The following NRXN3 variants were observed in gnomAD, a reference collection of about 807,000 sequenced individuals.
The protein encoded by NRXN3 is neurexin 3.
NRXN3 carries 32 observed loss-of-function variants against 137.6 expected under a neutral mutation model. The ratio of observed to expected loss-of-function variants is 0.23; its 90% confidence interval spans 0.18 to 0.31. The LOEUF is 0.31. NRXN3 is among the 10% of genes least tolerant of loss of function. The pLI, the probability that NRXN3 is intolerant of heterozygous loss-of-function variation, is 1.00. For synonymous variants in NRXN3, 798 were observed against 784.5 expected (o/e 1.02, Z -0.29); for missense variants, 1,574 against 2,062.5 (o/e 0.76, Z 4.59).
At chr14:79,124,975 A>C (rs1412414250) in intron 15 of NRXN3, among the ~76,000 whole-genome samples, 2 of 152,174 alleles carry the variant, frequency 1.3e-5, no homozygotes, top group African/African-American at 4.8e-5. Context: ...TCAAGAAAAC[A>C]CTGCAGTTCA....
At chr14:78,582,935 A>C (rs1046486899) in intron 4 of NRXN3, among the ~76,000 whole-genome samples, 1 of 152,182 alleles carries the variant, frequency 6.6e-6, no homozygotes, top group Non-Finnish European at 1.5e-5. Flanking sequence ...CTTACTAGAA[A>C]ATTCCCAGGC....
At chr14:78,179,811 T>G (rs937485061) in intron 1 of NRXN3, among the ~76,000 whole-genome samples, 2 of 41,660 alleles carry the variant, frequency 4.8e-5, no homozygotes, top group East Asian at 1.2e-3. Flanking sequence ...TTGTTCTTTG[T>G]TTTTTTTTTT....
At chr14:78,757,798 A>G (rs1397802055) in intron 8 of NRXN3, among the ~76,000 whole-genome samples, 1 of 152,196 alleles carries the variant, frequency 6.6e-6, no homozygotes, top group Non-Finnish European at 1.5e-5. Flanking sequence ...CAAATGTACC[A>G]TTGTTGTGTA....
At position 78,857,673 on chromosome 14, in the gene NRXN3, G is replaced by A. The variant is rs183503915; in HGVS notation, c.2275+47329G>A. Reference sequence around the variant, plus strand: ...AGGAAAAAATAATTTATATTACTGGGGGAAGGCAGTCAGATGAATATAAAT... The same window carrying A: ...AGGAAAAAATAATTTATATTACTGGAGGAAGGCAGTCAGATGAATATAAAT... On this transcript the variant is annotated intron_variant, in intron 10 of 20. Coordinates refer to ENST00000335750, the MANE Select transcript of NRXN3 (RefSeq NM_001330195.2). Among the ~76,000 whole-genome samples, 1,173 of 152,148 alleles carry A rather than the reference G, an allele frequency of 7.7e-3. 9 individuals are homozygous for A. Among genetic ancestry groups the A allele is most frequent in the Non-Finnish European group, 0.012 (848 of 68,014 alleles).
chr14:79,589,685 A>G (rs2097788280), intron 16 of NRXN3, among the ~76,000 whole-genome samples: 1 of 151,930 alleles, frequency 6.6e-6, no homozygotes, highest in Non-Finnish European at 1.5e-5. Flanking sequence ...AGAAGACATT[A>G]TTGAACAAAA....
intron 6 of NRXN3, among the ~76,000 whole-genome samples, chr14:78,682,859 T>C (rs991934518): frequency 1.1e-4 from 16 of 152,232 alleles, no homozygotes; most frequent in African/African-American, 3.9e-4. Context: ...TCAGTCATTA[T>C]GTTCCACTTC....
chr14:78,612,444 T>C (rs1401549773), intron 4 of NRXN3, among the ~76,000 whole-genome samples: 1 of 152,234 alleles, frequency 6.6e-6, no homozygotes, highest in Non-Finnish European at 1.5e-5. Context: ...TTCAATCATA[T>C]GAAAGAATGA....
intron 15 of NRXN3, among the ~76,000 whole-genome samples, chr14:79,261,116 T>C (rs1267009380): frequency 6.6e-6 from 1 of 151,094 alleles, no homozygotes; most frequent in Non-Finnish European, 1.5e-5. Flanking sequence ...TGGGAAGGGG[T>C]GAGGAGGAGG....
intron 15 of NRXN3, among the ~76,000 whole-genome samples, chr14:79,222,145 T>A (rs1568661426): frequency 6.6e-6 from 1 of 152,204 alleles, no homozygotes; most frequent in African/African-American, 2.4e-5. Flanking sequence ...CATGCTGTTT[T>A]GGTTACTGTA....
At chr14:79,393,802 C>A (rs1032678114) in intron 15 of NRXN3, among the ~76,000 whole-genome samples, 1 of 151,874 alleles carries the variant, frequency 6.6e-6, no homozygotes, top group African/African-American at 2.4e-5. Context: ...GGTGACAGGG[C>A]GAGACTGTCT....
At chr14:79,823,029 A>C (rs1178500127) in intron 20 of NRXN3, among the ~76,000 whole-genome samples, 1 of 152,200 alleles carries the variant, frequency 6.6e-6, no homozygotes, top group East Asian at 1.9e-4. Context: ...TATTTTGGAA[A>C]GCTGAATTAG....
chr14:78,817,624 G>A (rs1001508943), intron 10 of NRXN3, among the ~76,000 whole-genome samples: 6 of 152,178 alleles, frequency 3.9e-5, no homozygotes, highest in African/African-American at 7.2e-5. Context: ...ACTCATGGAG[G>A]AAGACAGAAG....
chr14:78,939,699 G>A (rs1171253666), intron 10 of NRXN3, among the ~76,000 whole-genome samples: 2 of 151,682 alleles, frequency 1.3e-5, no homozygotes, highest in African/African-American at 4.8e-5. Flanking sequence ...GTCACCAATG[G>A]GTTGACCAGT....
intron 4 of NRXN3, among the ~76,000 whole-genome samples, chr14:78,333,543 A>G (rs965633150): frequency 3.3e-5 from 5 of 152,192 alleles, no homozygotes; most frequent in African/African-American, 9.7e-5. Flanking sequence ...GATATGTGCT[A>G]TAGTAGAAAC....
intron 4 of NRXN3, among the ~76,000 whole-genome samples, chr14:78,575,985 C>G (rs1220270449): frequency 6.6e-6 from 1 of 152,206 alleles, no homozygotes; most frequent in Non-Finnish European, 1.5e-5. Context: ...CTGACATTCA[C>G]TGTTGCAAGA....
chr14:79,181,489 C>T (rs181188665), intron 15 of NRXN3, among the ~76,000 whole-genome samples: 141 of 152,030 alleles, frequency 9.3e-4, no homozygotes, highest in Middle Eastern at 6.8e-3. Context: ...TCAAGACAAG[C>T]CTGGCCAACA....
intron 4 of NRXN3, among the ~76,000 whole-genome samples, chr14:78,577,175 G>A (rs1227252383): frequency 2.0e-5 from 3 of 152,070 alleles, no homozygotes; most frequent in Non-Finnish European, 1.5e-5. Context: ...ATCCATGTAG[G>A]CCTACTCCCC....
Position 79,861,455 on chromosome 14 carries a change from A to ACAT in NRXN3, c.4209_4211dup (p.Ser1404dup). ...CTCCGAAACTAGTAGGACTACTACC[A>ACAT]CATCTTTATCCCCTGAGCTGATCCG... On this transcript the variant is annotated inframe_insertion, in exon 21 of 21. Transcript: ENST00000335750. This position sits in a 1 kb window ranked among gnomAD's most constrained non-coding sequence, Gnocchi z 5.4. The ACAT allele has an allele frequency of 6.5e-7, 1 of 1,536,880 alleles. No homozygotes were observed. Among genetic ancestry groups the ACAT allele is most frequent in the South Asian group, 1.2e-5 (1 of 84,068 alleles).
chr14:79,711,893 A>G (rs914123824), intron 19 of NRXN3, among the ~76,000 whole-genome samples: 4 of 152,128 alleles, frequency 2.6e-5, no homozygotes, highest in African/African-American at 7.2e-5. Context: ...CCATTGTCTC[A>G]AGACTGGATA....
Sources: allele counts gnomAD v4.1 joint callset (sites outside exome capture counted in the v4.1 genomes callset), GRCh38; gene constraint gnomAD v4.1.1; non-coding constraint Gnocchi (gnomAD v3.1); transcripts MANE v1.5; gene names NCBI Gene and HGNC (gene_info 2026-07-23, HGNC 2026-07-21).